ABR: variants seen among roughly 807,000 people sequenced by gnomAD.
The protein encoded by ABR is active breakpoint cluster region-related protein.
In ABR, 35 loss-of-function variants were observed where a neutral mutation model predicts 107.2. The observed-to-expected ratio is 0.33, with a 90% CI of 0.25 to 0.43. The LOEUF (loss-of-function observed/expected upper bound fraction) is 0.43, where lower values mean the gene tolerates loss of function less well. Among genes scored for constraint, ABR ranks in the 20% least tolerant of loss-of-function variants. The pLI, the probability that ABR is intolerant of heterozygous loss-of-function variation, is 1.00. For missense variants in ABR, 815 were observed against 1,115.2 expected (o/e 0.73, Z 3.83); for synonymous variants, 498 against 462.0 (o/e 1.08, Z -1.00).
intron 22 of ABR, among the ~76,000 whole-genome samples, chr17:1,006,391 C>G (rs1001384958): frequency 2.6e-5 from 4 of 152,204 alleles, no homozygotes; most frequent in African/African-American, 9.6e-5. Context: ...AGCTTCTGCT[C>G]TGTCCTGAGG....
At chr17:1,198,823 G>T (rs62088678) in intron 1 of ABR, among the ~76,000 whole-genome samples, 26 of 77,422 alleles carry the variant, frequency 3.4e-4, no homozygotes, top group Non-Finnish European at 5.0e-4. Flanking sequence ...TTTAATAGAG[G>T]TGGGTTTCAC....
rs1164355417 is a variant in ABR at position 1,148,685 on chromosome 17, C to G, written c.62-23318G>C. ...TTCCATCCCGAAAGCGCTCCCCACCCTTCCCCGGTCCGTGGAAAAAGTGTC... is the reference window on the plus strand; with the variant it reads ...TTCCATCCCGAAAGCGCTCCCCACCGTTCCCCGGTCCGTGGAAAAAGTGTC... On this transcript the variant is annotated intron_variant, in intron 1 of 22. Transcript: ENST00000302538. This position sits in a 1 kb window ranked among gnomAD's most constrained non-coding sequence, Gnocchi z 4.9. Among the ~76,000 whole-genome samples the G allele has an allele frequency of 6.6e-6, 1 of 152,206 alleles. No individual in the cohort carries two copies. Among genetic ancestry groups the G allele is most frequent in the African/African-American group, 2.4e-5 (1 of 41,464 alleles).
In ABR at chr17:1,179,219, A is replaced by G. The variant is rs1357463525; in HGVS notation, c.61+448T>C. 3.3e-5 allele frequency among the ~76,000 whole-genome samples: 5 copies of G among 151,516 alleles called. No individual in the cohort carries two copies. Among genetic ancestry groups the G allele is most frequent in the Non-Finnish European group, 7.4e-5 (5 of 67,850 alleles). ...TGACCCGGTGCCCCTGGGGTGGCAA[A>G]CTCGGGTGCCAACGACTGCTCCCAA... On this transcript the variant is annotated intron_variant, in intron 1 of 22. Transcript: ENST00000302538. This position sits in a 1 kb window ranked among gnomAD's most constrained non-coding sequence, Gnocchi z 4.9.
intron 16 of ABR, among the ~76,000 whole-genome samples, chr17:1,022,120 A>AAACAAAAAAAAAC (rs1555534384): frequency 8.4e-6 from 1 of 118,388 alleles, no homozygotes; most frequent in African/African-American, 3.7e-5. Context: ...AAAAAAAAAA[A>AAACAAAAAAAAAC]AAAAACAGAA....
At chr17:1,152,591 C>CAA (rs1025845051) in intron 1 of ABR, among the ~76,000 whole-genome samples, 3 of 127,978 alleles carry the variant, frequency 2.3e-5, no homozygotes, top group South Asian at 2.5e-4. Context: ...AACTCTGTCT[C>CAA]AAAAAAAAAA....
chr17:1,146,518 AGAT>A (rs2040532700), intron 1 of ABR, among the ~76,000 whole-genome samples: 1 of 152,180 alleles, frequency 6.6e-6, no homozygotes, highest in African/African-American at 2.4e-5. Flanking sequence ...GGGCACATGA[AGAT>A]GACCATGATT....
At chr17:1,139,441 A>T (rs796708091) in intron 1 of ABR, among the ~76,000 whole-genome samples, 72 of 152,028 alleles carry the variant, frequency 4.7e-4, no homozygotes, top group African/African-American at 1.6e-3. Flanking sequence ...TTTAGTAGAG[A>T]CAGGGTTTCA....
chr17:1,090,345 G>A (rs758192480), intron 4 of ABR, among the ~76,000 whole-genome samples: 2 of 152,166 alleles, frequency 1.3e-5, no homozygotes, highest in Non-Finnish European at 2.9e-5. Flanking sequence ...GTGGGGATCC[G>A]CTGAAGGGGC....
In ABR at chr17:1,037,308, T is replaced by C. The variant is rs2073271731; in HGVS notation, c.1791+12742A>G. 6.6e-6 allele frequency among the ~76,000 whole-genome samples: 1 copy of C among 152,082 alleles called. No individual in the cohort carries two copies. The highest frequency in any genetic ancestry group is 1.5e-5 in the Non-Finnish European group (1 of 68,026). On this transcript the variant is annotated intron_variant, in intron 16 of 22. Coordinates refer to ENST00000302538, the MANE Select transcript of ABR (RefSeq NM_021962.5). The surrounding 1 kb of genome is among the most constrained non-coding windows in gnomAD (Gnocchi z 4.6). ...TGCCGGCTCATAGGGCAGTCCCGAG[T>C]ACGTGCTGCTTCTCACACAGCTCCA...
intron 1 of ABR, among the ~76,000 whole-genome samples, chr17:1,141,615 C>T (rs566567203): frequency 4.1e-4 from 63 of 152,292 alleles, no homozygotes; most frequent in Middle Eastern, 3.4e-3. Context: ...ACCAAGAACC[C>T]TTAGGGACCT....
At chr17:1,060,923 T>TG (rs1456309238) in intron 10 of ABR, among the ~76,000 whole-genome samples, 13 of 151,356 alleles carry the variant, frequency 8.6e-5, no homozygotes, top group African/African-American at 3.2e-4. Flanking sequence ...ACCCGGGAGG[T>TG]GGAGGTTGCA....
At chr17:1,184,323 C>T (rs1056583093), upstream of ABR, among the ~76,000 whole-genome samples, 81 of 152,084 alleles carry the variant, frequency 5.3e-4, no homozygotes, top group African/African-American at 1.9e-3. Flanking sequence ...GGCATGGTGG[C>T]GGGCGCCTGT....
chr17:1,177,615 T>A (rs77758987), intron 1 of ABR, among the ~76,000 whole-genome samples: 1,868 of 152,028 alleles, frequency 0.012, 44 homozygotes, highest in African/African-American at 0.043. Context: ...TTGGAAATGA[T>A]CAGCTCAGAG....
At chr17:1,016,035 A>T (rs1035626897) in intron 16 of ABR, among the ~76,000 whole-genome samples, 1 of 152,230 alleles carries the variant, frequency 6.6e-6, no homozygotes, top group African/African-American at 2.4e-5. Flanking sequence ...ATGAACAAGA[A>T]ATATGTGAAC....
chr17:1,038,710 G>A (rs765452278), intron 16 of ABR, among the ~76,000 whole-genome samples: 66 of 152,354 alleles, frequency 4.3e-4, no homozygotes, highest in Non-Finnish European at 6.3e-4. Flanking sequence ...GTGAGTCTGC[G>A]GTGGCCGCAG....
rs60536584 is a variant in ABR, at chr17:1,144,588, C to CAA, written c.62-19223_62-19222dup. 6.1e-3 allele frequency among the ~76,000 whole-genome samples: 862 copies of CAA among 140,920 alleles called. 11 individuals carry two copies. Among genetic ancestry groups the CAA allele is most frequent in the African/African-American group, 0.02 (770 of 38,160 alleles). 92.4% of individuals were successfully genotyped at this position (140,920 alleles called of 152,430 possible). A position where few individuals can be genotyped will look rare whatever the true frequency, so the allele number is the denominator to read the frequency against. ...ACAATAACGCGTTCAGTCAATCAGG[C>CAA]AAAAAAAAAAAAAGGGGCAGGGGCC... is the stretch of plus-strand genomic sequence containing the variant. On this transcript the variant is annotated intron_variant, in intron 1 of 22. Transcript: ENST00000302538.
At chr17:1,167,759 G>A (rs2151588719) in intron 1 of ABR, among the ~76,000 whole-genome samples, 1 of 152,374 alleles carries the variant, frequency 6.6e-6, no homozygotes, top group African/African-American at 2.4e-5. Context: ...TCCTATCACG[G>A]AAGCCTTTGT....
At position 1,130,245 on chromosome 17, in the gene ABR, C is replaced by CCTG. The variant is rs560434183; in HGVS notation, c.62-4881_62-4879dup. 7.8e-3 allele frequency among the ~76,000 whole-genome samples: 1,192 copies of CCTG among 152,222 alleles called. 21 individuals are homozygous for CCTG. The highest frequency in any genetic ancestry group is 0.027 in the African/African-American group (1,137 of 41,524). ...CCGGAAGAAGTCAGGTCTGCAGACT[C>CCTG]CTGGGCATCTCCACCTTTAGGAGCC... On this transcript the variant is annotated intron_variant, in intron 1 of 22. Coordinates refer to ENST00000302538, the MANE Select transcript of ABR (RefSeq NM_021962.5).
In ABR at chr17:1,127,629, T is replaced by C. The variant is rs145065367; in HGVS notation, c.62-2262A>G. On this transcript the variant is annotated intron_variant, in intron 1 of 22. Transcript: ENST00000302538. ...CTCCAGGAGGCTCCAGGCTGCCCTG[T>C]TGGTGCCTGGAGTCCAGGGAAAATA... Among the ~76,000 whole-genome samples, 214 of 152,202 alleles carry C rather than the reference T, an allele frequency of 1.4e-3. 1 individual carries two copies. Among genetic ancestry groups the C allele is most frequent in the African/African-American group, 4.8e-3 (201 of 41,532 alleles).
Sources: gnomAD v4.1 joint callset for allele counts (sites outside exome capture counted in the v4.1 genomes callset) on GRCh38, gnomAD v4.1.1 for gene constraint, Gnocchi (gnomAD v3.1) non-coding constraint, MANE v1.5 for transcripts, NCBI Gene and HGNC (gene_info 2026-07-23, HGNC 2026-07-21) for gene names.